The following ACYP2 variants were observed in gnomAD, a reference collection of about 807,000 sequenced individuals.
ACYP2 encodes the protein acylphosphatase 2.
ACYP2 carries 12 observed loss-of-function variants against 11.2 expected under a neutral mutation model. That is an observed-to-expected ratio of 1.08 (90% CI 0.69 to 1.74). The LOEUF is 1.74. Ranked by LOEUF, ACYP2 falls within the 40% of genes most tolerant of loss-of-function variation. ACYP2 has a pLI of 0.00. For synonymous variants in ACYP2, 43 were observed against 32.2 expected, an observed-to-expected ratio of 1.33 and a Z score of -1.13; for missense variants, 134 against 101.9, an observed-to-expected ratio of 1.31 and a Z score of -1.35.
At chr2:54,235,538 G>C (rs982764076) in intron 6 of ACYP2, among the ~76,000 whole-genome samples, 2 of 152,064 alleles carry the variant, frequency 1.3e-5, no homozygotes, top group Non-Finnish European at 2.9e-5. Flanking sequence ...TTTTAGTAGA[G>C]GCAGGGTTTC....
At chr2:54,052,090 G>A (rs1490443904) in intron 3 of ACYP2, among the ~76,000 whole-genome samples, 1 of 129,928 alleles carries the variant, frequency 7.7e-6, no homozygotes, top group African/African-American at 2.8e-5. Context: ...ATAGAGGGAA[G>A]AGGAGGAAGA....
At chr2:54,126,108 A>G (rs554675697) in intron 4 of ACYP2, among the ~76,000 whole-genome samples, 19 of 152,164 alleles carry the variant, frequency 1.2e-4, no homozygotes, top group Non-Finnish European at 2.2e-4. Flanking sequence ...AAAAATAAAA[A>G]GGAGATTTAT....
intron 6 of ACYP2, among the ~76,000 whole-genome samples, chr2:54,264,109 G>A (rs1266669478): frequency 6.6e-6 from 1 of 152,302 alleles, no homozygotes; most frequent in East Asian, 1.9e-4. Flanking sequence ...AAGATGGTGT[G>A]TGCAGAGTTT....
At chr2:54,268,028 A>G (rs552879746) in intron 6 of ACYP2, among the ~76,000 whole-genome samples, 1 of 152,344 alleles carries the variant, frequency 6.6e-6, no homozygotes, top group Admixed American at 6.5e-5. Context: ...AAATACATAT[A>G]TACAATACCT....
chr2:54,194,909 G>C (rs897940711), intron 6 of ACYP2, among the ~76,000 whole-genome samples: 1 of 152,140 alleles, frequency 6.6e-6, no homozygotes, highest in African/African-American at 2.4e-5. Context: ...ATCACTAGTG[G>C]AAACTCTAGA....
At chr2:54,193,920 G>C (rs1216262138) in intron 6 of ACYP2, among the ~76,000 whole-genome samples, 1 of 152,142 alleles carries the variant, frequency 6.6e-6, no homozygotes, top group Non-Finnish European at 1.5e-5. Context: ...ACATTATAGA[G>C]TAAAATATTC....
chr2:54,028,817 G>A (rs1000055797), intron 2 of ACYP2, among the ~76,000 whole-genome samples: 7 of 152,076 alleles, frequency 4.6e-5, no homozygotes, highest in South Asian at 2.1e-4. Flanking sequence ...GTTGGGAAAC[G>A]CTCTGTGGTT....
intron 2 of ACYP2, among the ~76,000 whole-genome samples, chr2:54,037,273 T>C (rs1343874829): frequency 1.3e-5 from 2 of 151,386 alleles, no homozygotes; most frequent in African/African-American, 4.9e-5. Flanking sequence ...CCACCATGCC[T>C]GTCTAATTTT....
intron 6 of ACYP2, among the ~76,000 whole-genome samples, chr2:54,283,137 T>C (rs1047918469): frequency 5.9e-5 from 9 of 152,176 alleles, no homozygotes; most frequent in Non-Finnish European, 1.2e-4. Flanking sequence ...GCACGAATGA[T>C]TGAAAATAAA....
chr2:54,003,345 C>T (rs776540901), intron 2 of ACYP2, among the ~76,000 whole-genome samples: 4 of 151,600 alleles, frequency 2.6e-5, no homozygotes, highest in African/African-American at 4.9e-5. Context: ...CCGCAACCTC[C>T]GCCTCCCAAG....
rs74925805 is a variant in ACYP2, at chr2:54,043,407, G to C, written c.63-7551G>C. Among the ~76,000 whole-genome samples the C allele has an allele frequency of 4.0e-3, 613 of 152,238 alleles. 3 individuals carry two copies. The highest frequency in any genetic ancestry group is 6.4e-3 in the Non-Finnish European group (435 of 68,012). ...ATTGAAGGCATGCTCAGTGGCATTT[G>C]GTGGCTGGGGCCAAGACTGACAGAT... On this transcript the variant is annotated intron_variant, in intron 2 of 6. Transcript: ENST00000607452.
intron 4 of ACYP2, among the ~76,000 whole-genome samples, chr2:54,100,930 C>T (rs1256363479): frequency 1.3e-5 from 2 of 152,172 alleles, no homozygotes; most frequent in African/African-American, 4.8e-5. Flanking sequence ...CTAGGAGACT[C>T]TTGAAGGTTT....
intron 4 of ACYP2, among the ~76,000 whole-genome samples, chr2:54,072,379 C>T (rs1045212689): frequency 6.6e-6 from 1 of 152,074 alleles, no homozygotes; most frequent in Non-Finnish European, 1.5e-5. Context: ...AATCACAGTT[C>T]ACTGCAGTCT....
rs546398732 is a variant in ACYP2, at chr2:54,174,602, T to C, written c.404+35854T>C. Among the ~76,000 whole-genome samples the C allele has an allele frequency of 1.3e-3, 204 of 152,268 alleles. 1 individual carries two copies. The highest frequency in any genetic ancestry group is 3.0e-3 in the Admixed American group (46 of 15,280). The stretch of plus-strand genomic sequence containing the variant: ...GAGAGAGGGCATCCTTGTCTTGTGC[T>C]GGTTTTCAAAGGGAATGCTTCCAGT... On this transcript the variant is annotated intron_variant, in intron 6 of 6. Transcript: ENST00000607452.
intron 6 of ACYP2, among the ~76,000 whole-genome samples, chr2:54,173,306 G>A (rs185693278): frequency 0.011 from 1,680 of 152,302 alleles, 16 homozygotes; most frequent in Admixed American, 0.017. Flanking sequence ...GTGATGATGA[G>A]CATTTTTTCA....
chr2:54,226,933 A>G (rs1025723323), intron 6 of ACYP2, among the ~76,000 whole-genome samples: 1 of 152,182 alleles, frequency 6.6e-6, no homozygotes, highest in African/African-American at 2.4e-5. Context: ...TTTTTCCTAA[A>G]TAGATTTAAA....
intron 6 of ACYP2, among the ~76,000 whole-genome samples, chr2:54,165,408 A>T (rs1381904995): frequency 1.3e-5 from 2 of 152,090 alleles, no homozygotes; most frequent in African/African-American, 4.8e-5. Flanking sequence ...CAATTGTCTT[A>T]AAATTTTAGA....
At chr2:54,241,192 A>G (rs1686714322) in intron 6 of ACYP2, among the ~76,000 whole-genome samples, 1 of 152,214 alleles carries the variant, frequency 6.6e-6, no homozygotes. Context: ...AATTAAGTCA[A>G]TTCAGTTGTT....
At chr2:54,133,785 A>G (rs1207973098) in intron 4 of ACYP2, among the ~76,000 whole-genome samples, 3 of 152,202 alleles carry the variant, frequency 2.0e-5, no homozygotes, top group Non-Finnish European at 4.4e-5. Context: ...TACCATAAAT[A>G]CATATCCCTG....
Sources: gnomAD v4.1 joint callset for allele counts (sites outside exome capture counted in the v4.1 genomes callset) on GRCh38, gnomAD v4.1.1 for gene constraint, MANE v1.5 for transcripts, NCBI Gene and HGNC (gene_info 2026-07-23, HGNC 2026-07-21) for gene names.